CXADR: variants seen among roughly 807,000 people sequenced by gnomAD.
The protein encoded by CXADR is CXADR cell adhesion molecule, also known as coxsackievirus and adenovirus receptor.
Under a neutral mutation model 40.3 loss-of-function variants are expected in CXADR, and 20 were observed. That is an observed-to-expected ratio of 0.50 (90% CI 0.35 to 0.72). CXADR has a LOEUF of 0.72. Among genes scored for constraint, CXADR ranks in the 30% least tolerant of loss-of-function variants. The probability of loss-of-function intolerance (pLI) is 0.01; values close to 1 mark genes in which losing one functional copy is unlikely to be tolerated. For synonymous variants in CXADR, 150 were observed against 161.3 expected (o/e 0.93, Z 0.53); for missense variants, 332 against 449.1 (o/e 0.74, Z 2.36).
intron 1 of CXADR, among the ~76,000 whole-genome samples, chr21:17,519,367 T>A (rs1457851628): frequency 6.6e-6 from 1 of 152,230 alleles, no homozygotes; most frequent in African/African-American, 2.4e-5. Flanking sequence ...TAGAGCTCTC[T>A]TCAGTTCATC....
chr21:17,531,238 G>A (rs1279091792), intron 1 of CXADR, among the ~76,000 whole-genome samples: 2 of 151,854 alleles, frequency 1.3e-5, no homozygotes, highest in African/African-American at 2.4e-5. Flanking sequence ...GGCGGAGGTT[G>A]CAGTGAGCTG....
the CXADR span, among the ~76,000 whole-genome samples, chr21:17,630,651 T>TTC: frequency 0.24 from 478 of 2,006 alleles, 4 homozygotes; most frequent in South Asian, 0.32. Flanking sequence ...TTCCTTCTTC[T>TTC]TTTTTTTTTT....
downstream of CXADR, among the ~76,000 whole-genome samples, chr21:17,572,080 G>A (rs2061281618): frequency 6.6e-6 from 1 of 152,048 alleles, no homozygotes; most frequent in Non-Finnish European, 1.5e-5. Context: ...AGGCAGTATT[G>A]GCCAGGTTGG....
At chr21:17,629,037 T>A in the CXADR span, among the ~76,000 whole-genome samples, 1 of 152,080 alleles carries the variant, frequency 6.6e-6, no homozygotes, top group Non-Finnish European at 1.5e-5. Flanking sequence ...CTATGGCCAG[T>A]CAAGTTGACA....
downstream of CXADR, among the ~76,000 whole-genome samples, chr21:17,595,951 G>A (rs1569172350): frequency 6.6e-6 from 1 of 151,890 alleles, no homozygotes; most frequent in Non-Finnish European, 1.5e-5. Flanking sequence ...ATGCTGTCAG[G>A]CTTTTAAATT....
downstream of CXADR, among the ~76,000 whole-genome samples, chr21:17,596,141 T>C (rs76886611): frequency 6.3e-3 from 963 of 152,076 alleles, 59 homozygotes; most frequent in East Asian, 0.13. Context: ...CATTTACCTT[T>C]TACTAGTGAT....
At chr21:17,635,061 G>C in the CXADR span, among the ~76,000 whole-genome samples, 2 of 152,212 alleles carry the variant, frequency 1.3e-5, no homozygotes, top group Non-Finnish European at 2.9e-5. Flanking sequence ...GAAATGGATG[G>C]AAGTTGTAAC....
rs1204108447 is a variant in CXADR, at chr21:17,567,729, AAT to A, written c.*2039_*2040del. 1.2e-6 allele frequency: 1 copy of A among 842,256 alleles called. No homozygotes were observed. Among genetic ancestry groups the A allele is most frequent in the Non-Finnish European group, 1.4e-6 (1 of 698,964 alleles). 52.2% of individuals were successfully genotyped at this position (842,256 alleles called of 1,614,324 possible). On this transcript the variant is annotated 3_prime_UTR_variant, in exon 7 of 7. Transcript: ENST00000284878. ...AGTTTATTTATAAAATATTATAAAA[AAT>A]AAGTAAATAAACAGAACATTAATAA...
chr21:17,611,625 G>C, the CXADR span: 14 of 152,246 alleles, frequency 9.2e-5, no homozygotes, highest in Admixed American at 8.5e-4. Flanking sequence ...AAGACCTCAG[G>C]CGTCTTGAGT....
intron 1 of CXADR, 111 bp from the exon 2 acceptor site, chr21:17,546,916 C>T (rs2060904011): frequency 1.9e-5 from 25 of 1,320,138 alleles, no homozygotes; most frequent in Non-Finnish European, 2.6e-5. Flanking sequence ...GGGACCCAAA[C>T]CCCGTCCTGT....
intron 1 of CXADR, among the ~76,000 whole-genome samples, chr21:17,534,112 T>TA (rs2060721807): frequency 1.2e-5 from 1 of 83,524 alleles, no homozygotes; most frequent in African/African-American, 3.5e-5. Context: ...TTTTTTTTTT[T>TA]TTTTTTTTTT....
Position 17,565,664 on chromosome 21 carries a change from C to T in CXADR, c.1070C>T (p.Ala357Val), listed in dbSNP as rs2061197438. ...GGTGCGATTCCTGTGATGATTCCAG[C>T]ACAGAGCAAGGATGGGTCTATAGTA... ...RMGAIPVMIPAQSKDGSIV is the reference protein window; with the variant it reads ...RMGAIPVMIPVQSKDGSIV The change falls in exon 7 of 7, where the codon GCA becomes GTA. Residue 357 changes from alanine to valine, a missense_variant. Physicochemically the swap from Ala to Val is moderately conservative, Grantham distance 64 (BLOSUM62 0). This residue lies in a region of CXADR where 150 missense variants were observed against 194.2 expected (regional missense o/e 0.77). Transcript: ENST00000284878. 1.2e-6 allele frequency: 2 copies of T among 1,611,998 alleles called. No homozygotes were observed. The highest frequency in any genetic ancestry group is 1.1e-5 in the South Asian group (1 of 90,984).
At chr21:17,579,762 G>A (rs531976406) in intron 7 of CXADR, among the ~76,000 whole-genome samples, 2 of 152,240 alleles carry the variant, frequency 1.3e-5, no homozygotes, top group African/African-American at 4.8e-5. Context: ...TGCTGGTGAG[G>A]TTTGAATCAC....
chr21:17,601,199 G>C, the CXADR span, among the ~76,000 whole-genome samples: 1 of 151,932 alleles, frequency 6.6e-6, no homozygotes, highest in Non-Finnish European at 1.5e-5. Context: ...ATGGTAGAAA[G>C]GGCATTAGAC....
chr21:17,621,162 T>C, the CXADR span, among the ~76,000 whole-genome samples: 1 of 152,228 alleles, frequency 6.6e-6, no homozygotes, highest in Non-Finnish European at 1.5e-5. Flanking sequence ...CTTAGCCAAG[T>C]TGACGCATAC....
At chr21:17,523,780 T>A (rs2060560119) in intron 1 of CXADR, among the ~76,000 whole-genome samples, 2 of 152,148 alleles carry the variant, frequency 1.3e-5, no homozygotes, top group Admixed American at 1.3e-4. Flanking sequence ...TCATCTAACT[T>A]CTGTTTCTTA....
intron 1 of CXADR, among the ~76,000 whole-genome samples, chr21:17,514,425 T>G (rs1431941030): frequency 6.6e-6 from 1 of 152,090 alleles, no homozygotes; most frequent in African/African-American, 2.4e-5. Flanking sequence ...CGGGCTGAAA[T>G]GTCCAAAGTA....
At chr21:17,553,614 C>CTTTTTTTTTTTTTTTTTTTTTTTTTTT in intron 3 of CXADR, among the ~76,000 whole-genome samples, 1 of 128,274 alleles carries the variant, frequency 7.8e-6, no homozygotes, top group South Asian at 2.5e-4. Context: ...GGTCCGAATT[C>CTTTTTTTTTTTTTTTTTTTTTTTTTTT]TTTTTTTTTT....
the CXADR span, among the ~76,000 whole-genome samples, chr21:17,634,753 A>AT: frequency 6.6e-6 from 1 of 151,924 alleles, no homozygotes; most frequent in African/African-American, 2.4e-5. Context: ...TTAATTTTTA[A>AT]TTTTTTTTAG....
Sources: allele counts gnomAD v4.1 joint callset (sites outside exome capture counted in the v4.1 genomes callset), GRCh38; gene constraint gnomAD v4.1.1; regional missense constraint gnomAD v4.1.1; transcripts MANE v1.5; gene names NCBI Gene and HGNC (gene_info 2026-07-23, HGNC 2026-07-21).